The following PCDHGA8 variants were observed in gnomAD, a reference collection of about 807,000 sequenced individuals.
PCDHGA8 encodes protocadherin gamma subfamily A, 8.
Under a neutral mutation model 59.2 loss-of-function variants are expected in PCDHGA8, and 45 were observed. That is an observed-to-expected ratio of 0.76 (90% CI 0.60 to 0.98). The LOEUF (loss-of-function observed/expected upper bound fraction) is 0.98, where lower values mean the gene tolerates loss of function less well. Among genes scored for constraint, PCDHGA8 ranks in the 50% least tolerant of loss-of-function variants. The probability of loss-of-function intolerance (pLI) is 0.00; values close to 1 mark genes in which losing one functional copy is unlikely to be tolerated. For missense variants in PCDHGA8, 1,257 were observed against 1,196.2 expected (o/e 1.05, Z -0.75); for synonymous variants, 531 against 519.0 (o/e 1.02, Z -0.32).
In PCDHGA8 at chr5:141,393,997, A is replaced by G. The variant is rs375314377; in HGVS notation, c.1184A>G (p.Glu395Gly). ...YTRDNLPFKL[E>G]KSIGNYYRLV... ...CGTGATAATTTACCTTTTAAATTAG[A>G]AAAGTCAATAGGTAATTATTATAGA... The change falls in exon 1 of 4, where the codon GAA becomes GGA. Residue 395 changes from glutamate to glycine, a missense_variant. Coordinates refer to ENST00000398604, the MANE Select transcript of PCDHGA8 (RefSeq NM_032088.2). 7.4e-6 allele frequency: 12 copies of G among 1,613,330 alleles called. 1 individual carries two copies. The African/African-American group carries it at 8.0e-5, about 11-fold the overall frequency.
In PCDHGA8 at chr5:141,476,691, A is replaced by G; in HGVS notation, c.2425-18116A>G. 6.2e-7 allele frequency: 1 copy of G among 1,614,224 alleles called. No individual in the cohort carries two copies. Among genetic ancestry groups the G allele is most frequent in the Non-Finnish European group, 8.5e-7 (1 of 1,180,050 alleles). The stretch of plus-strand genomic sequence containing the variant: ...GTGCAGACGCGGGAGGACAGCACCA[A>G]GTACGCGGAGCTGGTGTTGGAGCGC... On this transcript the variant is annotated intron_variant, in intron 1 of 3. Transcript: ENST00000398604. This position sits in a 1 kb window ranked among gnomAD's most constrained non-coding sequence, Gnocchi z 7.6.
At chr5:141,413,065 T>A (rs2095601710) in intron 1 of PCDHGA8, 2 of 1,159,986 alleles carry the variant, frequency 1.7e-6, no homozygotes, top group African/African-American at 3.1e-5. Flanking sequence ...CTCCAGAATT[T>A]AAAGTGCCCA....
rs1406362621 is a variant in PCDHGA8, at chr5:141,477,099, G to A, written c.2425-17708G>A. On this transcript the variant is annotated intron_variant, in intron 1 of 3. Transcript: ENST00000398604. This position sits in a 1 kb window ranked among gnomAD's most constrained non-coding sequence, Gnocchi z 4.9. ...ATTTACATCCAGGCCAAAGACAAGG[G>A]CGCCAATCCCGAAGGAGCACATTGC... The A allele has an allele frequency of 6.2e-7, 1 of 1,614,256 alleles. No individual in the cohort carries two copies. Among genetic ancestry groups the A allele is most frequent in the Non-Finnish European group, 8.5e-7 (1 of 1,180,054 alleles).
At chr5:141,483,082 C>T (rs2099576709) in intron 1 of PCDHGA8, among the ~76,000 whole-genome samples, 1 of 151,662 alleles carries the variant, frequency 6.6e-6, no homozygotes, top group African/African-American at 2.4e-5. Flanking sequence ...GAGACTCCAT[C>T]TCAAAAAAAA....
intron 1 of PCDHGA8, chr5:141,409,728 C>G (rs13184503): frequency 6.2e-7 from 1 of 1,613,134 alleles, no homozygotes; most frequent in Admixed American, 1.7e-5. Flanking sequence ...TCAGTGAGCG[C>G]GCAGAGCGGG....
intron 1 of PCDHGA8, among the ~76,000 whole-genome samples, chr5:141,468,759 G>A (rs1202810666): frequency 3.9e-5 from 6 of 151,990 alleles, no homozygotes; most frequent in Admixed American, 2.0e-4. Context: ...CCAGCTACTC[G>A]GGAGGCTGAG....
intron 1 of PCDHGA8, chr5:141,420,902 A>T (rs1202945278): frequency 3.4e-6 from 1 of 293,976 alleles, no homozygotes; most frequent in Non-Finnish European, 6.3e-6. Context: ...TAAGCTCTAC[A>T]AATACGTGTG....
chr5:141,415,149 C>T, intron 1 of PCDHGA8: 1 of 1,613,796 alleles, frequency 6.2e-7, no homozygotes, highest in Middle Eastern at 1.6e-4. Context: ...AGCCCCCTCT[C>T]TCCGCCACTG....
At chr5:141,421,974 C>T in intron 1 of PCDHGA8, 3 of 1,609,644 alleles carry the variant, frequency 1.9e-6, no homozygotes, top group African/African-American at 1.3e-5. Flanking sequence ...CCGTATATCG[C>T]GTGAGTGTTC....
At chr5:141,423,800 T>A in intron 1 of PCDHGA8, 2 of 895,132 alleles carry the variant, frequency 2.2e-6, no homozygotes, top group Non-Finnish European at 2.9e-6. Flanking sequence ...TTTAGAGCAA[T>A]ACATGTGAGT....
At chr5:141,404,029 C>A in intron 1 of PCDHGA8, 2 of 1,613,428 alleles carry the variant, frequency 1.2e-6, no homozygotes, top group South Asian at 1.1e-5. Flanking sequence ...TGAGAGAAGA[C>A]GCACCTCAGG....
Position 141,491,737 on chromosome 5 carries a change from G to C in PCDHGA8, c.2425-3070G>C, listed in dbSNP as rs548808722. 1.2e-6 allele frequency: 2 copies of C among 1,600,586 alleles called. No homozygotes were observed. The highest frequency in any genetic ancestry group is 2.7e-5 in the African/African-American group (2 of 74,486). On this transcript the variant is annotated intron_variant, in intron 1 of 3. Transcript: ENST00000398604. The surrounding 1 kb of genome is among the most constrained non-coding windows in gnomAD (Gnocchi z 6.9). ...GGCGCCGCCCCGGGCGACCCCTGGG[G>C]GCGGCACTGGAGAAGCCGCCCGTCC...
chr5:141,394,242 CACGACCCCG>C lies in PCDHGA8; in HGVS notation c.1432_1440del (p.Asp478_Asp480del), dbSNP rs1450725417. On this transcript the variant is annotated inframe_deletion, in exon 1 of 4. Coordinates refer to ENST00000398604, the MANE Select transcript of PCDHGA8 (RefSeq NM_032088.2). ...AGCCTCCATCTTTTCCTTGACTGCACACGACCCCGACAGCCAGGAGAATGCCCAGGTCAC... is the reference window on the plus strand; with the variant it reads ...AGCCTCCATCTTTTCCTTGACTGCACACAGCCAGGAGAATGCCCAGGTCAC... 2 of 1,613,838 alleles carry C rather than the reference CACGACCCCG, an allele frequency of 1.2e-6. No individual in the cohort carries two copies. Among genetic ancestry groups the C allele is most frequent in the Non-Finnish European group, 1.7e-6 (2 of 1,179,900 alleles).
At position 141,511,181 on chromosome 5, in the gene PCDHGA8, G is replaced by A. The variant is rs1301391138; in HGVS notation, c.*8G>A. On this transcript the variant is annotated 3_prime_UTR_variant, in exon 4 of 4. Transcript: ENST00000398604. Reference sequence around the variant, plus strand: ...AAGAAGGAGAAGAAGTAACATGGAGGCCAGGCCAAGAGCCACAGGGCGGCC... The same window carrying A: ...AAGAAGGAGAAGAAGTAACATGGAGACCAGGCCAAGAGCCACAGGGCGGCC... 6.2e-7 allele frequency: 1 copy of A among 1,614,016 alleles called. No homozygotes were observed. The highest frequency in any genetic ancestry group is 1.7e-5 in the Admixed American group (1 of 60,016).
rs754023896 is a variant in PCDHGA8 at position 141,393,896 on chromosome 5, T to G, written c.1083T>G (p.Leu361=). ...SLFSPVLENS[L]PGTVIAFLSV... Reference sequence around the variant, plus strand: ...TTAGCCCAGTGTTAGAAAATTCTCTTCCCGGGACAGTAATTGCCTTCTTGA... The same window carrying G: ...TTAGCCCAGTGTTAGAAAATTCTCTGCCCGGGACAGTAATTGCCTTCTTGA... Residue 361 remains leucine, a synonymous_variant, in exon 1 of 4, where the codon CTT becomes CTG. Coordinates refer to ENST00000398604, the MANE Select transcript of PCDHGA8 (RefSeq NM_032088.2). 6.2e-7 allele frequency: 1 copy of G among 1,613,942 alleles called. No homozygotes were observed. Among genetic ancestry groups the G allele is most frequent in the Non-Finnish European group, 8.5e-7 (1 of 1,179,876 alleles).
chr5:141,450,899 A>C (rs1045595271), intron 1 of PCDHGA8, among the ~76,000 whole-genome samples: 1 of 149,514 alleles, frequency 6.7e-6, no homozygotes, highest in Non-Finnish European at 1.5e-5. Context: ...ATATCGGCTC[A>C]CTGCAACCGC....
chr5:141,416,523 C>G (rs2096035969), intron 1 of PCDHGA8: 1 of 152,064 alleles, frequency 6.6e-6, no homozygotes, highest in Admixed American at 6.6e-5. Flanking sequence ...TTCAGTGGCT[C>G]TTTAATGTAT....
chr5:141,445,973 G>A (rs563637331), intron 1 of PCDHGA8, among the ~76,000 whole-genome samples: 28 of 152,326 alleles, frequency 1.8e-4, no homozygotes, highest in African/African-American at 6.0e-4. Flanking sequence ...ATTGATTTAT[G>A]AGGGTTATAA....
rs11343387 is a variant in PCDHGA8 at position 141,497,209 on chromosome 5, TGG to T, written c.2483+2352_2483+2353del. On this transcript the variant is annotated intron_variant, in intron 2 of 3. Transcript: ENST00000398604. ...GAGGCAGAGAACAATGTGAGTGTAATGGGGGGGGGAAGATCAGAGAAGGCTTC... is the reference window on the plus strand; with the variant it reads ...GAGGCAGAGAACAATGTGAGTGTAATGGGGGGGAAGATCAGAGAAGGCTTC... Among the ~76,000 whole-genome samples the T allele has an allele frequency of 3.8e-3, 569 of 151,352 alleles. 5 individuals are homozygous for T. Among genetic ancestry groups the T allele is most frequent in the Admixed American group, 0.011 (162 of 15,190 alleles).
Sources: gnomAD v4.1 joint callset for allele counts (sites outside exome capture counted in the v4.1 genomes callset) on GRCh38, gnomAD v4.1.1 for gene constraint, Gnocchi (gnomAD v3.1) non-coding constraint, MANE v1.5 for transcripts, NCBI Gene and HGNC (gene_info 2026-07-23, HGNC 2026-07-21) for gene names.